Variants in TFEC observed in about 807,000 individuals in gnomAD.
TFEC encodes class E basic helix-loop-helix protein 34.
A neutral mutation model predicts 41.6 loss-of-function variants in TFEC; 31 were observed. That is an observed-to-expected ratio of 0.74 (90% confidence interval 0.56 to 1.01). The LOEUF is 1.01. Among genes scored for constraint, TFEC ranks in the 50% least tolerant of loss-of-function variants. The probability of loss-of-function intolerance (pLI) is 0.00; values close to 1 mark genes in which losing one functional copy is unlikely to be tolerated. For synonymous variants in TFEC, 143 were observed against 140.6 expected (o/e 1.02, Z -0.12); for missense variants, 402 against 404.1 (o/e 0.99, Z 0.04).
At chr7:116,114,392 AT>A (rs1192164557) in intron 1 of TFEC, among the ~76,000 whole-genome samples, 1 of 147,466 alleles carries the variant, frequency 6.8e-6, no homozygotes, top group East Asian at 2.1e-4. Flanking sequence ...TAAAACAAAA[AT>A]AAAACAAAAT....
chr7:116,072,334 A>C (rs1436235880), intron 3 of TFEC, among the ~76,000 whole-genome samples: 2 of 151,620 alleles, frequency 1.3e-5, no homozygotes, highest in African/African-American at 4.8e-5. Flanking sequence ...TTGCTCATAA[A>C]GTAAAAACTA....
At chr7:116,113,839 C>A (rs1797910816) in intron 1 of TFEC, among the ~76,000 whole-genome samples, 1 of 151,934 alleles carries the variant, frequency 6.6e-6, no homozygotes, top group African/African-American at 2.4e-5. Flanking sequence ...ACTCTCAGGT[C>A]TCAGATTTCT....
intron 3 of TFEC, among the ~76,000 whole-genome samples, chr7:116,082,138 C>T (rs1223639676): frequency 6.6e-6 from 1 of 151,960 alleles, no homozygotes; most frequent in African/African-American, 2.4e-5. Context: ...TATTACAACG[C>T]TTCTTATATT....
At chr7:116,145,770 T>C (rs892194791) in intron 1 of TFEC, among the ~76,000 whole-genome samples, 2 of 152,168 alleles carry the variant, frequency 1.3e-5, no homozygotes, top group Admixed American at 6.5e-5. Context: ...GACTTAGAAA[T>C]GTCCATGGCA....
upstream of TFEC, among the ~76,000 whole-genome samples, chr7:116,031,315 T>C (rs917887365): frequency 2.0e-5 from 3 of 152,150 alleles, no homozygotes; most frequent in Non-Finnish European, 2.9e-5. Flanking sequence ...TATCTTCCCA[T>C]GTAGATTAAA....
At chr7:115,943,443 C>T (rs1174873841) in intron 6 of TFEC, among the ~76,000 whole-genome samples, 1 of 151,816 alleles carries the variant, frequency 6.6e-6, no homozygotes, top group Non-Finnish European at 1.5e-5. Flanking sequence ...AAAGATAACC[C>T]TAGCCATATT....
chr7:116,153,819 G>A (rs1798813998), intron 1 of TFEC, among the ~76,000 whole-genome samples: 1 of 152,080 alleles, frequency 6.6e-6, no homozygotes, highest in Non-Finnish European at 1.5e-5. Flanking sequence ...AGAAATTGTT[G>A]GACAAAATTA....
intron 5 of TFEC, among the ~76,000 whole-genome samples, chr7:115,953,066 CA>C (rs1317433212): frequency 6.6e-6 from 1 of 151,936 alleles, no homozygotes; most frequent in Non-Finnish European, 1.5e-5. Flanking sequence ...GACCAATGGG[CA>C]GTTGTTTGCA....
chr7:116,025,158 G>A (rs1378118059), intron 1 of TFEC, among the ~76,000 whole-genome samples: 1 of 152,146 alleles, frequency 6.6e-6, no homozygotes, highest in East Asian at 1.9e-4. Flanking sequence ...CAAATTAACA[G>A]TTACTTCTCA....
chr7:116,128,333 A>T (rs1798257256), intron 1 of TFEC, among the ~76,000 whole-genome samples: 1 of 152,194 alleles, frequency 6.6e-6, no homozygotes, highest in Non-Finnish European at 1.5e-5. Flanking sequence ...TAATGAGAAA[A>T]TAATTATCAA....
chr7:116,124,389 G>A (rs144233219), intron 1 of TFEC, among the ~76,000 whole-genome samples: 1 of 152,284 alleles, frequency 6.6e-6, no homozygotes, highest in African/African-American at 2.4e-5. Flanking sequence ...CTCCAGGGAT[G>A]TGAATTACAG....
chr7:116,063,596 G>A (rs1284663159), intron 3 of TFEC, among the ~76,000 whole-genome samples: 1 of 152,116 alleles, frequency 6.6e-6, no homozygotes, highest in Admixed American at 6.6e-5. Flanking sequence ...TCCAGCCTGG[G>A]CAACAGAGAG....
chr7:116,042,247 A>C (rs1796055477), intron 3 of TFEC, among the ~76,000 whole-genome samples: 1 of 152,196 alleles, frequency 6.6e-6, no homozygotes, highest in East Asian at 1.9e-4. Context: ...CCATGGAAGA[A>C]CATTCTTGTC....
chr7:116,132,668 A>C (rs1311795039), intron 1 of TFEC, among the ~76,000 whole-genome samples: 2 of 152,248 alleles, frequency 1.3e-5, no homozygotes, highest in Non-Finnish European at 2.9e-5. Flanking sequence ...AGTAAGTGCA[A>C]ATATTCAAAC....
At chr7:116,112,555 C>T (rs1797879595) in intron 1 of TFEC, among the ~76,000 whole-genome samples, 1 of 151,800 alleles carries the variant, frequency 6.6e-6, no homozygotes, top group South Asian at 2.1e-4. Context: ...ACAATTGGTG[C>T]CCAATATTGA....
At chr7:116,105,227 A>T (rs1425012786) in intron 3 of TFEC, among the ~76,000 whole-genome samples, 2 of 152,194 alleles carry the variant, frequency 1.3e-5, no homozygotes, top group African/African-American at 2.4e-5. Flanking sequence ...CAGACATGAG[A>T]GTCCTGATCC....
intron 1 of TFEC, among the ~76,000 whole-genome samples, chr7:116,112,529 T>C (rs568252091): frequency 6.6e-6 from 1 of 151,988 alleles, no homozygotes; most frequent in Non-Finnish European, 1.5e-5. Flanking sequence ...GCTAACTGAT[T>C]ATAGCTGTAC....
chr7:115,981,863 G>A (rs752846862), intron 2 of TFEC, among the ~76,000 whole-genome samples: 3 of 152,142 alleles, frequency 2.0e-5, no homozygotes, highest in Middle Eastern at 3.4e-3. Flanking sequence ...GGAGAGCCCC[G>A]CCACCATGAG....
intron 1 of TFEC, among the ~76,000 whole-genome samples, chr7:116,127,966 T>G (rs1215410054): frequency 6.6e-6 from 1 of 152,134 alleles, no homozygotes; most frequent in African/African-American, 2.4e-5. Context: ...GTCTTTGAAT[T>G]TATAAGGCTT....
Sources: gnomAD v4.1 joint callset for allele counts (sites outside exome capture counted in the v4.1 genomes callset) on GRCh38, gnomAD v4.1.1 for gene constraint, MANE v1.5 for transcripts, NCBI Gene and HGNC (gene_info 2026-07-23, HGNC 2026-07-21) for gene names.